The following FAM13B variants were observed in gnomAD, a reference collection of about 807,000 sequenced individuals.
FAM13B encodes protein FAM13B.
A neutral mutation model predicts 117.3 loss-of-function variants in FAM13B; 60 were observed. That is an observed-to-expected ratio of 0.51 (90% CI 0.42 to 0.63). The LOEUF (loss-of-function observed/expected upper bound fraction) is 0.63. FAM13B is among the 30% of genes least tolerant of loss of function. FAM13B has a pLI of 0.00. For synonymous variants in FAM13B, 332 were observed against 356.1 expected, an observed-to-expected ratio of 0.93 and a Z score of 0.76; for missense variants, 972 against 1,091.9, an observed-to-expected ratio of 0.89 and a Z score of 1.55.
At chr5:137,975,301 C>T (rs1773595014) in intron 10 of FAM13B, among the ~76,000 whole-genome samples, 1 of 152,198 alleles carries the variant, frequency 6.6e-6, no homozygotes, top group African/African-American at 2.4e-5. Flanking sequence ...TTCTAATCCA[C>T]CCAACACGCA....
chr5:137,966,684 G>A (rs1040525774), intron 10 of FAM13B, among the ~76,000 whole-genome samples: 3 of 151,862 alleles, frequency 2.0e-5, no homozygotes, highest in African/African-American at 7.3e-5. Context: ...ATTTAAACAA[G>A]ATACCATTAC....
At chr5:137,970,462 G>A (rs372809929) in intron 10 of FAM13B, among the ~76,000 whole-genome samples, 34,372 of 151,138 alleles carry the variant, frequency 0.23, 4,040 homozygotes, top group African/African-American at 0.28. Context: ...TGAAGGAAGC[G>A]CTAAACATGG....
At chr5:137,982,872 AT>A (rs1437126532) in intron 10 of FAM13B, among the ~76,000 whole-genome samples, 1 of 152,142 alleles carries the variant, frequency 6.6e-6, no homozygotes, top group Admixed American at 6.5e-5. Context: ...GAACCTAATG[AT>A]GGGTAAGGAA....
intron 10 of FAM13B, among the ~76,000 whole-genome samples, chr5:137,963,266 C>T (rs927904362): frequency 5.9e-5 from 9 of 152,196 alleles, no homozygotes; most frequent in African/African-American, 1.9e-4. Flanking sequence ...AATGTAACAG[C>T]AACAGACTTA....
Position 138,019,156 on chromosome 5 carries a change from GAA to G in FAM13B, c.-35-12_-35-11del. 1 of 1,435,202 alleles carries G rather than the reference GAA, an allele frequency of 7.0e-7. No individual in the cohort carries two copies. Among genetic ancestry groups the G allele is most frequent in the Non-Finnish European group, 9.1e-7 (1 of 1,095,744 alleles). 88.9% of individuals were successfully genotyped at this position (1,435,202 alleles called of 1,614,324 possible). A position where few individuals can be genotyped will look rare whatever the true frequency, so the allele number is the denominator to read the frequency against. On this transcript the variant is annotated splice_polypyrimidine_tract_variant and intron_variant, in intron 2 of 23. Transcript: ENST00000689681. ...ATCAAAGCTGTCTTTTCTGCCAAATGAAAGACAAAAAAAAAAGACTATAATGA... is the reference window on the plus strand; with the variant it reads ...ATCAAAGCTGTCTTTTCTGCCAAATGAGACAAAAAAAAAAGACTATAATGA...
intron 10 of FAM13B, 93 bp downstream of exon 10, chr5:137,985,164 T>C: frequency 8.1e-7 from 1 of 1,231,956 alleles, no homozygotes; most frequent in Non-Finnish European, 1.1e-6. Flanking sequence ...ATTAAGTGTA[T>C]CAGCAAAATA....
intron 14 of FAM13B, among the ~76,000 whole-genome samples, chr5:137,955,575 C>T (rs1230656912): frequency 2.0e-5 from 3 of 152,098 alleles, no homozygotes; most frequent in Non-Finnish European, 4.4e-5. Context: ...ACCCCAAATA[C>T]AACATTAAGC....
rs1561492748 is a variant in FAM13B at position 137,983,213 on chromosome 5, A to AAAAAAAAAAAAAAC, written c.1179+2043_1179+2044insGTTTTTTTTTTTTT. Among the ~76,000 whole-genome samples, 40 of 93,718 alleles carry AAAAAAAAAAAAAAC rather than the reference A, an allele frequency of 4.3e-4. 4 individuals carry two copies. Among genetic ancestry groups the AAAAAAAAAAAAAAC allele is most frequent in the Non-Finnish European group, 6.1e-4 (27 of 43,938 alleles). 61.5% of individuals were successfully genotyped at this position (93,718 alleles called of 152,430 possible). ...AAAAAAAAAAAAAAAAAAAAAAAAA[A>AAAAAAAAAAAAAAC]AACCGAGTGAGATATCCTGAATGCC... On this transcript the variant is annotated intron_variant, in intron 10 of 23. Coordinates refer to ENST00000689681, the MANE Select transcript of FAM13B (RefSeq NM_001385994.1).
chr5:138,023,213 T>C (rs1294838433), intron 1 of FAM13B, among the ~76,000 whole-genome samples: 1 of 152,158 alleles, frequency 6.6e-6, no homozygotes, highest in African/African-American at 2.4e-5. Context: ...TATGAATTCA[T>C]CAGTAAAAAT....
chr5:137,967,186 C>T (rs1770259946), intron 10 of FAM13B, among the ~76,000 whole-genome samples: 2 of 150,848 alleles, frequency 1.3e-5, no homozygotes, highest in South Asian at 4.2e-4. Context: ...AAACTGGAAA[C>T]AAATATTTGC....
At chr5:138,010,320 G>A (rs1357275357) in intron 6 of FAM13B, among the ~76,000 whole-genome samples, 2 of 152,128 alleles carry the variant, frequency 1.3e-5, no homozygotes, top group Non-Finnish European at 2.9e-5. Context: ...AAATCATTTT[G>A]TGGGGCCAGG....
At chr5:137,956,564 C>CA (rs749341285) in intron 13 of FAM13B, 22 bp from the exon 14 acceptor site, 20 of 1,557,190 alleles carry the variant, frequency 1.3e-5, no homozygotes, top group East Asian at 2.3e-5. Context: ...GAAAAAATGG[C>CA]AAAAAATACT....
At chr5:138,020,578 T>C (rs1009484427) in intron 2 of FAM13B, among the ~76,000 whole-genome samples, 3 of 152,166 alleles carry the variant, frequency 2.0e-5, no homozygotes, top group African/African-American at 7.2e-5. Flanking sequence ...CATTTATTAC[T>C]TTACGTAGGA....
In FAM13B at chr5:137,966,482, T is replaced by TAG. The variant is rs1244957354; in HGVS notation, c.1180-4014_1180-4013insCT. Among the ~76,000 whole-genome samples, 83 of 53,852 alleles carry TAG rather than the reference T, an allele frequency of 1.5e-3. 1 individual carries two copies. The highest frequency in any genetic ancestry group is 2.5e-3 in the Admixed American group (11 of 4,398). 35.3% of individuals were successfully genotyped at this position (53,852 alleles called of 152,430 possible). ...TTTTATATATATATATATATATATATATATATAGAGAGAGAGAGAGAGAGA... is the reference window on the plus strand; with the variant it reads ...TTTTATATATATATATATATATATATAGATATATAGAGAGAGAGAGAGAGAGA... On this transcript the variant is annotated intron_variant, in intron 10 of 23. Coordinates refer to ENST00000689681, the MANE Select transcript of FAM13B (RefSeq NM_001385994.1).
intron 1 of FAM13B, among the ~76,000 whole-genome samples, chr5:138,051,023 G>A: frequency 6.6e-6 from 1 of 150,508 alleles, no homozygotes; most frequent in East Asian, 1.9e-4. Flanking sequence ...CATATTAGTG[G>A]GGGGGGGAGA....
chr5:137,984,083 T>C (rs531155180), intron 10 of FAM13B, among the ~76,000 whole-genome samples: 1 of 152,202 alleles, frequency 6.6e-6, no homozygotes, highest in Non-Finnish European at 1.5e-5. Flanking sequence ...AATGTGACAG[T>C]GACAATAATT....
intron 1 of FAM13B, among the ~76,000 whole-genome samples, chr5:138,026,453 C>A (rs1430858731): frequency 4.0e-5 from 6 of 151,248 alleles, no homozygotes; most frequent in South Asian, 2.1e-4. Flanking sequence ...TGGCAAAACC[C>A]CGTTTCTACA....
intron 13 of FAM13B, 57 bp downstream of exon 13, chr5:137,959,559 G>T: frequency 6.4e-7 from 1 of 1,572,788 alleles, no homozygotes. Context: ...CATTGCTTAG[G>T]GTAATTTCGG....
intron 7 of FAM13B, among the ~76,000 whole-genome samples, chr5:138,003,866 GTTC>G (rs1435477475): frequency 6.6e-6 from 1 of 152,154 alleles, no homozygotes; most frequent in East Asian, 1.9e-4. Context: ...AGCTGCCCAT[GTTC>G]TTATCTTTGC....
Sources: allele counts gnomAD v4.1 joint callset (sites outside exome capture counted in the v4.1 genomes callset), GRCh38; gene constraint gnomAD v4.1.1; transcripts MANE v1.5; gene names NCBI Gene and HGNC (gene_info 2026-07-23, HGNC 2026-07-21).